Variants in CAMK2D observed in about 807,000 individuals in gnomAD.
The protein encoded by CAMK2D is calcium/calmodulin-dependent protein kinase type II subunit delta.
A neutral mutation model predicts 84.0 loss-of-function variants in CAMK2D; 37 were observed. The ratio of observed to expected loss-of-function variants is 0.44; its 90% CI spans 0.34 to 0.58. CAMK2D has a LOEUF of 0.58. CAMK2D is among the 20% of genes least tolerant of loss of function. CAMK2D has a pLI of 0.02. For missense variants in CAMK2D, 448 were observed against 652.5 expected, an observed-to-expected ratio of 0.69 and a Z score of 3.41; for synonymous variants, 202 against 212.5, an observed-to-expected ratio of 0.95 and a Z score of 0.43.
At chr4:113,669,335 G>C (rs1200212847) in intron 2 of CAMK2D, among the ~76,000 whole-genome samples, 1 of 152,044 alleles carries the variant, frequency 6.6e-6, no homozygotes, top group African/African-American at 2.4e-5. Context: ...ACTCTGCTAA[G>C]ACCTAATAGA....
intron 6 of CAMK2D, 39 bp from the exon 7 acceptor site, chr4:113,537,482 A>C (rs1250987550): frequency 3.0e-5 from 37 of 1,237,120 alleles, no homozygotes; most frequent in Non-Finnish European, 4.1e-5. Context: ...TGAAGTGAGA[A>C]CCTATTTTAA....
At chr4:113,464,223 T>A (rs2097428929) in intron 17 of CAMK2D, among the ~76,000 whole-genome samples, 1 of 152,244 alleles carries the variant, frequency 6.6e-6, no homozygotes, top group Admixed American at 6.5e-5. Flanking sequence ...GTATACTTAA[T>A]TAGTAAACAT....
At chr4:113,639,413 C>CT (rs1271150140) in intron 3 of CAMK2D, among the ~76,000 whole-genome samples, 13 of 152,098 alleles carry the variant, frequency 8.5e-5, no homozygotes, top group Admixed American at 8.5e-4. Context: ...GGCCAAATGG[C>CT]TTTTTGTGGG....
In CAMK2D at chr4:113,457,556, G is replaced by C; in HGVS notation, c.1314C>G (p.Ser438=). 6.2e-7 allele frequency: 1 copy of C among 1,611,370 alleles called. No homozygotes were observed. Among genetic ancestry groups the C allele is most frequent in the Non-Finnish European group, 8.5e-7 (1 of 1,178,692 alleles). The change falls in exon 19 of 21, where the codon TCC becomes TCG. Residue 438 remains serine (S), a synonymous_variant. Transcript: ENST00000511664. The part of the protein sequence containing the change: ...FHRFYFENAL[S]KSNKPIHTII... ...TAGTGTGGATTGGTTTATTGCTTTTGGACAAAGCTGAAAGAGAAAAACATG... is the reference window on the plus strand; with the variant it reads ...TAGTGTGGATTGGTTTATTGCTTTTCGACAAAGCTGAAAGAGAAAAACATG...
chr4:113,559,269 T>C (rs1168348999), intron 4 of CAMK2D, among the ~76,000 whole-genome samples: 1 of 152,210 alleles, frequency 6.6e-6, no homozygotes, highest in Non-Finnish European at 1.5e-5. Context: ...GGTAAGCCTA[T>C]CAGATAAATT....
intron 3 of CAMK2D, among the ~76,000 whole-genome samples, chr4:113,638,300 A>G (rs1388758207): frequency 6.6e-6 from 1 of 152,174 alleles, no homozygotes; most frequent in East Asian, 1.9e-4. Flanking sequence ...CAGAGACAGA[A>G]GGATAGAGAC....
At position 113,463,970 on chromosome 4, in the gene CAMK2D, C is replaced by T. The variant is rs536405045; in HGVS notation, c.1211+1559G>A. On this transcript the variant is annotated intron_variant, in intron 17 of 20. Transcript: ENST00000511664. Reference sequence around the variant, plus strand: ...TCTTATAAGTAGAATTATAGTATTACAGTAAAGTGAGACTTTATAAAAGCT... The same window carrying T: ...TCTTATAAGTAGAATTATAGTATTATAGTAAAGTGAGACTTTATAAAAGCT... 7.9e-5 allele frequency among the ~76,000 whole-genome samples: 12 copies of T among 152,232 alleles called. No individual in the cohort carries two copies. In the East Asian group the frequency reaches 2.3e-3, roughly 29 times the overall value.
chr4:113,644,044 A>G (rs2099142238), intron 3 of CAMK2D, among the ~76,000 whole-genome samples: 1 of 152,214 alleles, frequency 6.6e-6, no homozygotes, highest in Admixed American at 6.5e-5. Flanking sequence ...TCTAGTTTAT[A>G]CCTATTATTG....
intron 16 of CAMK2D, among the ~76,000 whole-genome samples, chr4:113,482,395 GGATGAT>G (rs753380132): frequency 6.6e-6 from 1 of 152,086 alleles, no homozygotes; most frequent in Non-Finnish European, 1.5e-5. Context: ...GAAAGACTAA[GGATGAT>G]GATGAAGGTG....
chr4:113,465,629 G>A (rs1025707986), intron 16 of CAMK2D, 25 bp from the exon 17 acceptor site: 3 of 1,429,912 alleles, frequency 2.1e-6, no homozygotes, highest in Non-Finnish European at 3.0e-6. Flanking sequence ...ATGGAGTTGG[G>A]TAAGAATAAA....
At chr4:113,461,613 A>C (rs13123494) in intron 17 of CAMK2D, among the ~76,000 whole-genome samples, 51,165 of 152,056 alleles carry the variant, frequency 0.34, 9,305 homozygotes, top group South Asian at 0.49. Flanking sequence ...TATGGTGATC[A>C]GGGTAGGCTT....
intron 4 of CAMK2D, among the ~76,000 whole-genome samples, chr4:113,602,102 T>C (rs538449929): frequency 2.6e-5 from 4 of 152,104 alleles, no homozygotes; most frequent in South Asian, 2.1e-4. Flanking sequence ...TTTTTTTTTT[T>C]ATTTCTCCCA....
chr4:113,736,312 A>G (rs568633010), intron 2 of CAMK2D, among the ~76,000 whole-genome samples: 3 of 152,280 alleles, frequency 2.0e-5, no homozygotes, highest in Admixed American at 6.5e-5. Flanking sequence ...AGTGTTAGAC[A>G]CTGAGTGTAC....
intron 17 of CAMK2D, among the ~76,000 whole-genome samples, chr4:113,460,761 C>T (rs1399854834): frequency 6.6e-6 from 1 of 152,028 alleles, no homozygotes; most frequent in East Asian, 1.9e-4. Flanking sequence ...TCATGGCTCA[C>T]TGCAGCCTCA....
At chr4:113,565,245 T>C (rs2098716856) in intron 4 of CAMK2D, among the ~76,000 whole-genome samples, 1 of 152,156 alleles carries the variant, frequency 6.6e-6, no homozygotes, top group South Asian at 2.1e-4. Context: ...TGGGTGGCCA[T>C]GATCCTATAA....
At chr4:113,545,171 T>C (rs1223214158) in intron 6 of CAMK2D, among the ~76,000 whole-genome samples, 2 of 152,236 alleles carry the variant, frequency 1.3e-5, no homozygotes, top group African/African-American at 4.8e-5. Flanking sequence ...TGAAGGAATA[T>C]GCTGCAGGTA....
At chr4:113,562,497 C>G (rs2098702873) in intron 4 of CAMK2D, among the ~76,000 whole-genome samples, 2 of 152,170 alleles carry the variant, frequency 1.3e-5, no homozygotes, top group African/African-American at 4.8e-5. Context: ...GGATTTGAGA[C>G]AGCTTATCAT....
intron 3 of CAMK2D, among the ~76,000 whole-genome samples, chr4:113,640,712 C>T (rs998859284): frequency 5.9e-5 from 9 of 152,026 alleles, no homozygotes; most frequent in East Asian, 1.9e-4. Flanking sequence ...TGAAAGCAGA[C>T]GCTTAGAAAA....
intron 9 of CAMK2D, among the ~76,000 whole-genome samples, chr4:113,515,978 T>C (rs2098279094): frequency 1.3e-5 from 2 of 152,238 alleles, no homozygotes; most frequent in Non-Finnish European, 2.9e-5. Context: ...GCATATTTAG[T>C]AGAAATACTG....
Sources: gnomAD v4.1 joint callset for allele counts (sites outside exome capture counted in the v4.1 genomes callset) on GRCh38, gnomAD v4.1.1 for gene constraint, MANE v1.5 for transcripts, NCBI Gene and HGNC (gene_info 2026-07-23, HGNC 2026-07-21) for gene names.